MTMR3: variants seen among roughly 807,000 people sequenced by gnomAD.
The protein encoded by MTMR3 is myotubularin related protein 3, also known as phosphatidylinositol-3,5-bisphosphate 3-phosphatase MTMR3.
In MTMR3, 32 loss-of-function variants were observed where a neutral mutation model predicts 132.4. The ratio of observed to expected loss-of-function variants is 0.24; its 90% CI spans 0.18 to 0.32. MTMR3 has a LOEUF of 0.32. Ranked by LOEUF, MTMR3 falls within the 10% of genes least tolerant of loss-of-function variation. The pLI is 1.00. For synonymous variants in MTMR3, 556 were observed against 550.3 expected, an observed-to-expected ratio of 1.01 and a Z score of -0.14; for missense variants, 1,216 against 1,489.6, an observed-to-expected ratio of 0.82 and a Z score of 3.02.
intron 1 of MTMR3, among the ~76,000 whole-genome samples, chr22:29,896,869 T>TCTCACACACACACACACACACACACACA (rs145703649): frequency 7.2e-6 from 1 of 138,148 alleles, no homozygotes; most frequent in South Asian, 2.4e-4. Flanking sequence ...CAGGCTTGTC[T>TCTCACACACACACACACACACACACACA]CACACACACA....
intron 1 of MTMR3, among the ~76,000 whole-genome samples, chr22:29,917,084 A>G (rs2065323540): frequency 6.6e-6 from 1 of 152,232 alleles, no homozygotes; most frequent in African/African-American, 2.4e-5. Context: ...TGTGGAAATA[A>G]TTCAAACAGG....
intron 12 of MTMR3, chr22:30,010,509 G>C (rs570701170): frequency 6.6e-6 from 1 of 152,230 alleles, no homozygotes. Context: ...TTAGGCCCCC[G>C]GCCTGTGTTT....
chr22:29,896,859 C>A (rs2145716995), intron 1 of MTMR3, among the ~76,000 whole-genome samples: 1 of 85,906 alleles, frequency 1.2e-5, no homozygotes, highest in African/African-American at 3.9e-5. Flanking sequence ...TACAGAATAA[C>A]AGGCTTGTCT....
intron 1 of MTMR3, among the ~76,000 whole-genome samples, chr22:29,931,831 T>C (rs1369034374): frequency 6.6e-6 from 1 of 151,114 alleles, no homozygotes; most frequent in Non-Finnish European, 1.5e-5. Context: ...GGAAGGAGTA[T>C]GTCTAACCTG....
chr22:30,016,080 A>C (rs1039398915), intron 14 of MTMR3: 2 of 180,932 alleles, frequency 1.1e-5, no homozygotes, highest in Non-Finnish European at 2.4e-5. Flanking sequence ...AAGCTCCATC[A>C]GGGCAGAAGA....
Position 29,927,446 on chromosome 22 carries a change from A to G in MTMR3, c.-137-29590A>G, listed in dbSNP as rs114515771. ...TAGATCATTTTGTCAGTTTGTTGTC[A>G]CCTTAAAAGGTTATCTTTAGATCAG... is the stretch of plus-strand genomic sequence containing the variant. On this transcript the variant is annotated intron_variant, in intron 1 of 19. Transcript: ENST00000401950. Among the ~76,000 whole-genome samples the G allele has an allele frequency of 4.5e-3, 682 of 152,326 alleles. 6 individuals carry two copies. Among genetic ancestry groups the G allele is most frequent in the African/African-American group, 0.015 (644 of 41,574 alleles).
chr22:29,921,680 C>T (rs1363698431), intron 1 of MTMR3, among the ~76,000 whole-genome samples: 1 of 152,164 alleles, frequency 6.6e-6, no homozygotes, highest in Non-Finnish European at 1.5e-5. Context: ...ACTAACTCCC[C>T]ATTCAATCCT....
chr22:30,002,565 C>T (rs967059377), intron 8 of MTMR3: 1 of 211,950 alleles, frequency 4.7e-6, no homozygotes, highest in African/African-American at 2.3e-5. Flanking sequence ...CCTCGACTCC[C>T]CTTTTTTTCA....
chr22:30,007,160 G>A lies in MTMR3; in HGVS notation c.718G>A (p.Val240Ile), dbSNP rs778391690. ...CATTGCCCGCTGTGGACAGCCAGAGGTTAGCTGGTGGGGCTGGCGAAATGC... is the reference window on the plus strand; with the variant it reads ...CATTGCCCGCTGTGGACAGCCAGAGATTAGCTGGTGGGGCTGGCGAAATGC... The part of the protein sequence containing the change: ...AVIARCGQPE[V>I]SWWGWRNADD... The change falls in exon 10 of 20, where the codon GTT (valine) becomes ATT (isoleucine). Residue 240 changes from valine (V) to isoleucine (I), a missense_variant. Physicochemically the swap from Val to Ile is conservative, Grantham distance 29. Transcript: ENST00000401950. 2 of 1,614,132 alleles carry A rather than the reference G, an allele frequency of 1.2e-6. No homozygotes were observed. Among genetic ancestry groups the A allele is most frequent in the Non-Finnish European group, 1.7e-6 (2 of 1,180,018 alleles).
At chr22:30,021,973 C>A (rs2067769009) in intron 17 of MTMR3, 56 bp from the exon 18 acceptor site, 1 of 1,439,364 alleles carries the variant, frequency 6.9e-7, no homozygotes, top group Non-Finnish European at 9.8e-7. Context: ...CAGGCCTTTT[C>A]TTCTTTTGGG....
At position 29,963,433 on chromosome 22, in the gene MTMR3, A is replaced by G. The variant is rs962320143; in HGVS notation, c.-85+6345A>G. On this transcript the variant is annotated intron_variant, in intron 2 of 19. Transcript: ENST00000401950. ...TTGAGATGAGTCTTGCTCTGTCACC[A>G]GGCTGGAGGGCAATGGTGCGATCTC... Among the ~76,000 whole-genome samples, 5 of 138,674 alleles carry G rather than the reference A, an allele frequency of 3.6e-5. No individual in the cohort carries two copies. In the Admixed American group the frequency reaches 3.8e-4, roughly 11 times the overall value. 91.0% of individuals were successfully genotyped at this position (138,674 alleles called of 152,430 possible).
At chr22:30,022,552 T>G in intron 18 of MTMR3, 57 bp from the exon 19 acceptor site, 1 of 1,483,794 alleles carries the variant, frequency 6.7e-7, no homozygotes, top group African/African-American at 1.4e-5. Context: ...ATGGCTCTGC[T>G]GGCTCCAGCT....
intron 9 of MTMR3, chr22:30,006,215 A>G (rs1174228143): frequency 6.6e-6 from 1 of 152,258 alleles, no homozygotes; most frequent in Non-Finnish European, 1.5e-5. Flanking sequence ...ACCTTAAAGT[A>G]GACTGTGATT....
At chr22:29,884,551 C>CTTTTT (rs35960936) in intron 1 of MTMR3, among the ~76,000 whole-genome samples, 5 of 62,684 alleles carry the variant, frequency 8.0e-5, no homozygotes, top group African/African-American at 2.8e-4. Context: ...CAGAATGACA[C>CTTTTT]TTTTTTTTTT....
At chr22:29,966,322 A>G (rs1353817298) in intron 2 of MTMR3, among the ~76,000 whole-genome samples, 1 of 152,192 alleles carries the variant, frequency 6.6e-6, no homozygotes, top group East Asian at 1.9e-4. Flanking sequence ...AGATTTCCCT[A>G]ATAGATGTCT....
chr22:30,020,420 G>T lies in MTMR3; in HGVS notation c.2761G>T (p.Glu921Ter). The change falls in exon 17 of 20, where the codon GAA (glutamate) becomes TAA (stop). Residue 921 changes from glutamate to a stop codon, truncating the protein, a stop_gained. Coordinates refer to ENST00000401950, the MANE Select transcript of MTMR3 (RefSeq NM_021090.4). LOFTEE classifies it high-confidence loss of function. ...TRSPCALPLA[E>*]CKEGLVCNGA... The stretch of plus-strand genomic sequence containing the variant: ...TTCCCCTTGTGCCTTGCCTTTAGCC[G>T]AATGTAAAGAGGGGCTTGTGTGCAA... 6.2e-7 allele frequency: 1 copy of T among 1,614,172 alleles called. No homozygotes were observed. The highest frequency in any genetic ancestry group is 8.5e-7 in the Non-Finnish European group (1 of 1,180,032).
At chr22:29,966,790 TGA>T (rs753459697) in intron 2 of MTMR3, among the ~76,000 whole-genome samples, 2 of 150,664 alleles carry the variant, frequency 1.3e-5, no homozygotes, top group African/African-American at 4.9e-5. Context: ...TGTGTGTGTG[TGA>T]GAGAGAGAAT....
intron 1 of MTMR3, among the ~76,000 whole-genome samples, chr22:29,931,917 ACAGC>A (rs1470652606): frequency 7.2e-5 from 11 of 152,046 alleles, no homozygotes; most frequent in Admixed American, 7.2e-4. Flanking sequence ...GGAACTCCTG[ACAGC>A]CAGCTCTTTA....
intron 2 of MTMR3, among the ~76,000 whole-genome samples, chr22:29,965,874 G>GA (rs2066405701): frequency 6.6e-6 from 1 of 151,908 alleles, no homozygotes; most frequent in Non-Finnish European, 1.5e-5. Flanking sequence ...AGATTTCTCT[G>GA]AAAAAAATCT....
Sources: gnomAD v4.1 joint callset for allele counts (sites outside exome capture counted in the v4.1 genomes callset) on GRCh38, gnomAD v4.1.1 for gene constraint, MANE v1.5 for transcripts, NCBI Gene and HGNC (gene_info 2026-07-23, HGNC 2026-07-21) for gene names.